The following LRMDA variants were observed in gnomAD, a reference collection of about 807,000 sequenced individuals.
LRMDA encodes leucine rich melanocyte differentiation associated, also known as leucine-rich melanocyte differentiation-associated protein.
Under a neutral mutation model 29.8 loss-of-function variants are expected in LRMDA, and 18 were observed. The ratio of observed to expected loss-of-function variants is 0.60; its 90% confidence interval spans 0.42 to 0.90. LRMDA has a LOEUF of 0.90. LRMDA is among the 40% of genes least tolerant of loss of function. The pLI, the probability that LRMDA is intolerant of heterozygous loss-of-function variation, is 0.00. For missense variants in LRMDA, 273 were observed against 273.9 expected (o/e 1.00, Z 0.02); for synonymous variants, 125 against 109.4 (o/e 1.14, Z -0.89).
chr10:76,362,761 G>T (rs1376600436), intron 6 of LRMDA, among the ~76,000 whole-genome samples: 1 of 152,040 alleles, frequency 6.6e-6, no homozygotes, highest in Non-Finnish European at 1.5e-5. Flanking sequence ...GAAAATGGGG[G>T]TAAGTTGGAA....
At position 76,179,001 on chromosome 10, in the gene LRMDA, G is replaced by A. The variant is rs143698546; in HGVS notation, c.516+120218G>A. Among the ~76,000 whole-genome samples, 176 of 152,324 alleles carry A rather than the reference G, an allele frequency of 1.2e-3. 1 individual carries two copies. Among genetic ancestry groups the A allele is most frequent in the Middle Eastern group, 0.01 (3 of 294 alleles). The stretch of plus-strand genomic sequence containing the variant: ...AGAGTTTTGTGAGAGACCAGACAGA[G>A]CTTCTTGAGCCCAGCAACAGGAGGC... On this transcript the variant is annotated intron_variant, in intron 5 of 6. Coordinates refer to ENST00000611255, the MANE Select transcript of LRMDA (RefSeq NM_001305581.2).
chr10:75,884,267 GTGTGTGTGT>G (rs1845343715), intron 2 of LRMDA, among the ~76,000 whole-genome samples: 1 of 150,378 alleles, frequency 6.6e-6, no homozygotes, highest in African/African-American at 2.5e-5. Flanking sequence ...GTGTGTGTGT[GTGTGTGTGT>G]GTGTGTGTGT....
At chr10:76,410,761 C>A (rs1841952252) in intron 6 of LRMDA, among the ~76,000 whole-genome samples, 1 of 152,046 alleles carries the variant, frequency 6.6e-6, no homozygotes, top group Admixed American at 6.5e-5. Flanking sequence ...TGAGACCAGC[C>A]TGGCCAACAT....
intron 6 of LRMDA, among the ~76,000 whole-genome samples, chr10:76,378,864 T>TC (rs1407582466): frequency 6.9e-6 from 1 of 145,016 alleles, no homozygotes; most frequent in Non-Finnish European, 1.5e-5. Flanking sequence ...TTTTCTTTTT[T>TC]TTTTTTTTTT....
chr10:75,779,035 T>C (rs1382857172), intron 2 of LRMDA, among the ~76,000 whole-genome samples: 1 of 152,314 alleles, frequency 6.6e-6, no homozygotes, highest in South Asian at 2.1e-4. Context: ...GAATAGGTGG[T>C]ATTAAATGGT....
Position 76,462,095 on chromosome 10 carries a change from AAAC to A in LRMDA, c.602-95104_602-95102del, listed in dbSNP as rs1201709834. Among the ~76,000 whole-genome samples, 7 of 151,634 alleles carry A rather than the reference AAAC, an allele frequency of 4.6e-5. No individual in the cohort carries two copies. The South Asian group carries it at 6.3e-4, about 14-fold the overall frequency. On this transcript the variant is annotated intron_variant, in intron 6 of 6. Coordinates refer to ENST00000611255, the MANE Select transcript of LRMDA (RefSeq NM_001305581.2). Reference sequence around the variant, plus strand: ...AAAAAAACCACACACACACACACAAAAACAACAACAACCAAAAAAACCAGAATG... The same window carrying A: ...AAAAAAACCACACACACACACACAAAAACAACAACCAAAAAAACCAGAATG...
chr10:76,105,364 C>T (rs1214707474), intron 5 of LRMDA, among the ~76,000 whole-genome samples: 1 of 151,810 alleles, frequency 6.6e-6, no homozygotes, highest in Admixed American at 6.6e-5. Flanking sequence ...TGAAGAGTGC[C>T]TTCCACCCCA....
chr10:76,317,085 T>C (rs140276552), intron 5 of LRMDA, among the ~76,000 whole-genome samples: 302 of 152,276 alleles, frequency 2.0e-3, no homozygotes, highest in African/African-American at 6.8e-3. Context: ...CATGAAAACC[T>C]GAGGGCTCCA....
intron 2 of LRMDA, among the ~76,000 whole-genome samples, chr10:76,028,685 T>A (rs1344229208): frequency 6.6e-6 from 1 of 152,120 alleles, no homozygotes; most frequent in Non-Finnish European, 1.5e-5. Flanking sequence ...ATAGAGCAAT[T>A]TGAGCCATTA....
At chr10:75,914,432 C>A (rs1025844207) in intron 2 of LRMDA, among the ~76,000 whole-genome samples, 2 of 152,226 alleles carry the variant, frequency 1.3e-5, no homozygotes, top group African/African-American at 4.8e-5. Context: ...TAAGGATGCA[C>A]TTACACTGCC....
intron 2 of LRMDA, among the ~76,000 whole-genome samples, chr10:75,787,208 C>G (rs921803987): frequency 8.5e-5 from 13 of 152,142 alleles, no homozygotes; most frequent in Non-Finnish European, 1.6e-4. Context: ...CTCTGGGGTC[C>G]CCTTAATTGG....
At chr10:75,968,006 G>A (rs1209775856) in intron 2 of LRMDA, among the ~76,000 whole-genome samples, 1 of 152,148 alleles carries the variant, frequency 6.6e-6, no homozygotes, top group African/African-American at 2.4e-5. Flanking sequence ...AAGGCGAAGT[G>A]CTGAGTGAAT....
At chr10:75,730,757 C>T (rs187322806) in intron 2 of LRMDA, among the ~76,000 whole-genome samples, 75 of 152,178 alleles carry the variant, frequency 4.9e-4, no homozygotes, top group Non-Finnish European at 8.1e-4. Context: ...TCCTTTGGCA[C>T]CTTGAGTTTT....
intron 6 of LRMDA, chr10:76,437,514 G>T (rs72817493): frequency 0.047 from 7,141 of 152,278 alleles, 218 homozygotes; most frequent in Middle Eastern, 0.078. Flanking sequence ...TTCTGGGCAG[G>T]CTTCTCTGGG....
At chr10:76,471,752 A>G (rs1435770316) in intron 6 of LRMDA, among the ~76,000 whole-genome samples, 2 of 151,752 alleles carry the variant, frequency 1.3e-5, no homozygotes, top group African/African-American at 4.8e-5. Context: ...AACAACAACA[A>G]TAAGAAAATT....
At chr10:75,520,275 T>C (rs1390051379) in intron 2 of LRMDA, among the ~76,000 whole-genome samples, 2 of 152,222 alleles carry the variant, frequency 1.3e-5, no homozygotes, top group Admixed American at 6.5e-5. Context: ...GAAGAGTGTC[T>C]TCCAACTTGG....
chr10:75,565,861 G>A (rs1589187410), intron 2 of LRMDA, among the ~76,000 whole-genome samples: 1 of 152,172 alleles, frequency 6.6e-6, no homozygotes, highest in East Asian at 1.9e-4. Flanking sequence ...GATGGCTTGA[G>A]ACCAGGAGTT....
At chr10:75,530,456 G>A (rs1002549350) in intron 2 of LRMDA, among the ~76,000 whole-genome samples, 1 of 152,166 alleles carries the variant, frequency 6.6e-6, no homozygotes, top group East Asian at 1.9e-4. Flanking sequence ...ATGCCTGTGA[G>A]TCCTTCCCAG....
At chr10:76,185,621 T>C (rs1315756991) in intron 5 of LRMDA, among the ~76,000 whole-genome samples, 3 of 152,298 alleles carry the variant, frequency 2.0e-5, no homozygotes, top group Admixed American at 1.3e-4. Context: ...CTTAGCATGT[T>C]TGTGCGAGGG....
Sources: allele counts gnomAD v4.1 joint callset (sites outside exome capture counted in the v4.1 genomes callset), GRCh38; gene constraint gnomAD v4.1.1; transcripts MANE v1.5; gene names NCBI Gene and HGNC (gene_info 2026-07-23, HGNC 2026-07-21).